CNBD1: variants seen among roughly 807,000 people sequenced by gnomAD.
The protein encoded by CNBD1 is cyclic nucleotide binding domain containing 1.
Under a neutral mutation model 54.4 loss-of-function variants are expected in CNBD1, and 71 were observed. The ratio of observed to expected loss-of-function variants is 1.30; its 90% CI spans 1.08 to 1.59. The LOEUF is 1.59. CNBD1 is among the 40% of genes most tolerant of loss of function. The pLI is 0.00. For missense variants in CNBD1, 659 were observed against 518.0 expected (o/e 1.27, Z -2.64); for synonymous variants, 182 against 170.7 (o/e 1.07, Z -0.51).
intron 3 of CNBD1, among the ~76,000 whole-genome samples, chr8:86,933,827 GAAAAAT>G (rs1450924797): frequency 6.6e-6 from 1 of 151,920 alleles, no homozygotes; most frequent in Non-Finnish European, 1.5e-5. Flanking sequence ...TCAGAGAAAG[GAAAAAT>G]TGCCTTTTTA....
chr8:87,318,412 G>C (rs904121694), intron 8 of CNBD1, among the ~76,000 whole-genome samples: 2 of 152,070 alleles, frequency 1.3e-5, no homozygotes, highest in Non-Finnish European at 2.9e-5. Flanking sequence ...GGCAGGATCA[G>C]AACAGTGTTT....
intron 4 of CNBD1, among the ~76,000 whole-genome samples, chr8:87,130,718 A>C (rs1035981732): frequency 6.6e-6 from 1 of 151,784 alleles, no homozygotes; most frequent in African/African-American, 2.4e-5. Context: ...CAGAGGTTGC[A>C]ATGAGCTGAG....
At chr8:87,365,153 C>G (rs888607160) in intron 10 of CNBD1, among the ~76,000 whole-genome samples, 1 of 151,992 alleles carries the variant, frequency 6.6e-6, no homozygotes, top group Non-Finnish European at 1.5e-5. Context: ...TTGCCAGCAT[C>G]TGTTATTTTT....
At chr8:87,077,727 T>C (rs1810903987) in intron 4 of CNBD1, among the ~76,000 whole-genome samples, 1 of 151,986 alleles carries the variant, frequency 6.6e-6, no homozygotes, top group East Asian at 1.9e-4. Flanking sequence ...TTCATCCATG[T>C]CCCTACAAAG....
chr8:87,354,561 C>A (rs1216700111), intron 10 of CNBD1, among the ~76,000 whole-genome samples: 2 of 151,944 alleles, frequency 1.3e-5, no homozygotes, highest in African/African-American at 4.8e-5. Context: ...CCCCCTTCCC[C>A]CCACCCCACA....
At chr8:87,140,978 T>TA (rs934318070) in intron 4 of CNBD1, among the ~76,000 whole-genome samples, 57 of 152,170 alleles carry the variant, frequency 3.7e-4, no homozygotes, top group Admixed American at 2.6e-3. Context: ...TATTAAGTTG[T>TA]AAAAAAAGAC....
chr8:87,411,382 T>A (rs1435222718), intron 2 of CNBD1, among the ~76,000 whole-genome samples: 2 of 88,818 alleles, frequency 2.3e-5, no homozygotes, highest in Non-Finnish European at 4.2e-5. Flanking sequence ...ATAGGCAGGA[T>A]TAACCTAGCT....
At chr8:87,103,028 C>G (rs1811463572) in intron 4 of CNBD1, among the ~76,000 whole-genome samples, 1 of 152,132 alleles carries the variant, frequency 6.6e-6, no homozygotes, top group Non-Finnish European at 1.5e-5. Context: ...GTAGCGTTTA[C>G]TAAGATAGAA....
At chr8:86,872,239 T>C (rs1808452825) in intron 1 of CNBD1, among the ~76,000 whole-genome samples, 1 of 152,222 alleles carries the variant, frequency 6.6e-6, no homozygotes, top group Non-Finnish European at 1.5e-5. Context: ...GTTTCCTGTG[T>C]TTGGGGTTCC....
rs1311087444 is a variant in CNBD1 at position 87,274,633 on chromosome 8, A to C, written c.772-10045A>C. Among the ~76,000 whole-genome samples, 12 of 134,504 alleles carry C rather than the reference A, an allele frequency of 8.9e-5. 2 individuals carry two copies. The highest frequency in any genetic ancestry group is 1.6e-4 in the Non-Finnish European group (10 of 62,760). 88.2% of individuals were successfully genotyped at this position (134,504 alleles called of 152,430 possible). ...ATGGGGTTGTTTGTTTTTTTCTTGT[A>C]AATTTGTTTGAGTTCATTGTAGTTT... On this transcript the variant is annotated intron_variant, in intron 6 of 10. Coordinates refer to ENST00000518476, the MANE Select transcript of CNBD1 (RefSeq NM_173538.3).
intron 10 of CNBD1, among the ~76,000 whole-genome samples, chr8:87,381,719 T>A (rs1004045099): frequency 6.6e-6 from 1 of 151,954 alleles, no homozygotes; most frequent in African/African-American, 2.4e-5. Context: ...AGATGAGCCT[T>A]GAGGACATTA....
chr8:87,397,482 C>A (rs1268370901), intron 2 of CNBD1, among the ~76,000 whole-genome samples: 2 of 151,792 alleles, frequency 1.3e-5, no homozygotes, highest in Admixed American at 6.6e-5. Flanking sequence ...TATAACTTTG[C>A]CACAAAACTA....
chr8:87,130,906 T>C (rs1375911990), intron 4 of CNBD1, among the ~76,000 whole-genome samples: 2 of 152,262 alleles, frequency 1.3e-5, no homozygotes, highest in East Asian at 3.9e-4. Flanking sequence ...CTGTTAGATA[T>C]GTGCATATCT....
At chr8:86,900,583 G>A (rs948095309) in intron 2 of CNBD1, among the ~76,000 whole-genome samples, 1 of 151,924 alleles carries the variant, frequency 6.6e-6, no homozygotes, top group Non-Finnish European at 1.5e-5. Flanking sequence ...ATTTTTACTT[G>A]CCTAATAGAC....
At chr8:87,189,408 A>G (rs1428857315) in intron 4 of CNBD1, among the ~76,000 whole-genome samples, 1 of 152,184 alleles carries the variant, frequency 6.6e-6, no homozygotes, top group Admixed American at 6.5e-5. Flanking sequence ...TGCAGTTGGC[A>G]GACAAGCCTA....
chr8:86,895,749 A>T (rs1310421921), intron 2 of CNBD1, among the ~76,000 whole-genome samples: 1 of 152,130 alleles, frequency 6.6e-6, no homozygotes, highest in Non-Finnish European at 1.5e-5. Context: ...GTCTTCTTGG[A>T]TGAGGATCTG....
intron 4 of CNBD1, among the ~76,000 whole-genome samples, chr8:87,106,239 A>T (rs1230542051): frequency 7.2e-6 from 1 of 138,560 alleles, no homozygotes; most frequent in Non-Finnish European, 1.5e-5. Flanking sequence ...TCTTTGGCAG[A>T]GTCTTACTCT....
chr8:87,222,280 T>A (rs780540183), intron 5 of CNBD1, among the ~76,000 whole-genome samples: 4 of 152,112 alleles, frequency 2.6e-5, no homozygotes, highest in African/African-American at 7.2e-5. Flanking sequence ...CTGTAGGGGA[T>A]CATTAATTAA....
chr8:86,931,776 T>A (rs1181427776), intron 3 of CNBD1, among the ~76,000 whole-genome samples: 1 of 152,172 alleles, frequency 6.6e-6, no homozygotes, highest in Non-Finnish European at 1.5e-5. Flanking sequence ...TAAGCTTATC[T>A]TTTAGGATCA....
Sources: allele counts gnomAD v4.1 joint callset (sites outside exome capture counted in the v4.1 genomes callset), GRCh38; gene constraint gnomAD v4.1.1; transcripts MANE v1.5; gene names NCBI Gene and HGNC (gene_info 2026-07-23, HGNC 2026-07-21).